SLC8A2: variants seen among roughly 807,000 people sequenced by gnomAD.
SLC8A2 encodes sodium/calcium exchanger 2.
Under a neutral mutation model 70.2 loss-of-function variants are expected in SLC8A2, and 14 were observed. The ratio of observed to expected loss-of-function variants is 0.20; its 90% CI spans 0.13 to 0.31. The LOEUF (loss-of-function observed/expected upper bound fraction) is 0.31, where lower values mean the gene tolerates loss of function less well. SLC8A2 is among the 10% of genes least tolerant of loss of function. The pLI is 1.00. For missense variants in SLC8A2, 779 were observed against 1,320.1 expected (o/e 0.59, Z 6.35); for synonymous variants, 575 against 594.3 (o/e 0.97, Z 0.47).
In SLC8A2 at chr19:47,466,582, A is replaced by G. The variant is rs1967465095; in HGVS notation, c.-16-163T>C. On this transcript the variant is annotated intron_variant, in intron 1 of 9. Transcript: ENST00000236877. This position sits in a 1 kb window ranked among gnomAD's most constrained non-coding sequence, Gnocchi z 6.9. ...GAGACACAGAGAGTGACAGACAGAG[A>G]CCCACAGAGAGAGAGAGAGACTGAA... Among the ~76,000 whole-genome samples, 1 of 79,048 alleles carries G rather than the reference A, an allele frequency of 1.3e-5. No individual in the cohort carries two copies. The highest frequency in any genetic ancestry group is 3.7e-4 in the East Asian group (1 of 2,696). The allele number at this position is 79,048 out of a possible 152,430, so 51.9% of individuals were successfully genotyped here. A position where few individuals can be genotyped will look rare whatever the true frequency, so the allele number is the denominator to read the frequency against.
chr19:47,435,693 C>T (rs191533746), intron 8 of SLC8A2, among the ~76,000 whole-genome samples: 5 of 152,056 alleles, frequency 3.3e-5, no homozygotes, highest in East Asian at 3.9e-4. Context: ...GGATTACAGG[C>T]GCAGGCCACC....
chr19:47,445,863 G>A (rs1967154877), intron 4 of SLC8A2, among the ~76,000 whole-genome samples: 1 of 152,174 alleles, frequency 6.6e-6, no homozygotes, highest in African/African-American at 2.4e-5. Flanking sequence ...AGGGGTCTGG[G>A]ATGGTGCCTC....
At chr19:47,461,995 A>G (rs1967401059) in intron 2 of SLC8A2, among the ~76,000 whole-genome samples, 1 of 152,156 alleles carries the variant, frequency 6.6e-6, no homozygotes, top group Non-Finnish European at 1.5e-5. Context: ...GGAGGGGGAC[A>G]TGGTCTTGGC....
chr19:47,459,391 A>G (rs1236748442), intron 2 of SLC8A2, among the ~76,000 whole-genome samples: 1 of 150,676 alleles, frequency 6.6e-6, no homozygotes, highest in African/African-American at 2.5e-5. Flanking sequence ...CTTCTTTTGT[A>G]TCTATTGGTA....
chr19:47,449,842 C>T (rs2122632993), intron 3 of SLC8A2, among the ~76,000 whole-genome samples: 1 of 151,918 alleles, frequency 6.6e-6, no homozygotes, highest in East Asian at 1.9e-4. Flanking sequence ...GGGTGGGCCA[C>T]GGTGAAGACT....
intron 2 of SLC8A2, among the ~76,000 whole-genome samples, chr19:47,464,476 G>C (rs1222801052): frequency 6.6e-6 from 1 of 152,124 alleles, no homozygotes; most frequent in Non-Finnish European, 1.5e-5. Flanking sequence ...TAAACTGTAC[G>C]ATATATCACT....
chr19:47,460,169 C>A (rs747493833), intron 2 of SLC8A2, among the ~76,000 whole-genome samples: 26 of 152,182 alleles, frequency 1.7e-4, no homozygotes, highest in Non-Finnish European at 1.5e-5. Context: ...GCCTGGCCCT[C>A]ATGGACAGGC....
chr19:47,438,366 AT>A (rs1967058011), intron 6 of SLC8A2, among the ~76,000 whole-genome samples: 1 of 152,136 alleles, frequency 6.6e-6, no homozygotes, highest in African/African-American at 2.4e-5. Flanking sequence ...CACACAATAA[AT>A]ATTCAATACA....
At chr19:47,454,923 TA>T (rs1216355123) in intron 3 of SLC8A2, among the ~76,000 whole-genome samples, 2 of 151,976 alleles carry the variant, frequency 1.3e-5, no homozygotes, top group Non-Finnish European at 2.9e-5. Context: ...CCATCTCTAC[TA>T]AAAATACAAA....
chr19:47,437,732 G>C, intron 7 of SLC8A2, 117 bp downstream of exon 7: 1 of 1,316,502 alleles, frequency 7.6e-7, no homozygotes, highest in Non-Finnish European at 1.1e-6. Context: ...CCGTGGTCCT[G>C]ACGTGGGACC....
intron 6 of SLC8A2, among the ~76,000 whole-genome samples, chr19:47,439,783 G>C (rs1031441651): frequency 6.6e-6 from 1 of 151,858 alleles, no homozygotes; most frequent in Non-Finnish European, 1.5e-5. Context: ...CCTGCCTTAG[G>C]CTCCTGAGTA....
In SLC8A2 at chr19:47,429,016, A is replaced by AC. The variant is rs1292479789; in HGVS notation, c.*1072dup. On this transcript the variant is annotated 3_prime_UTR_variant, in exon 10 of 10. Transcript: ENST00000236877. ...CAGTCCCATCCCCCCACCCATCCCCACCCCCCATCAGGCAGAGATGTGGCA... is the reference window on the plus strand; with the variant it reads ...CAGTCCCATCCCCCCACCCATCCCCACCCCCCCATCAGGCAGAGATGTGGCA... The AC allele has an allele frequency of 5.3e-5, 2 of 37,798 alleles. No homozygotes were observed. The highest frequency in any genetic ancestry group is 2.1e-4 in the African/African-American group (2 of 9,530). 2.3% of individuals were successfully genotyped at this position (37,798 alleles called of 1,614,324 possible). A position where few individuals can be genotyped will look rare whatever the true frequency, so the allele number is the denominator to read the frequency against.
chr19:47,452,433 AGAGAGAGAGAGAGTGTGTGTGTGT>A (rs1436323451), intron 3 of SLC8A2, among the ~76,000 whole-genome samples: 7 of 98,976 alleles, frequency 7.1e-5, no homozygotes, highest in Non-Finnish European at 1.2e-4. Context: ...AGAGAGAGAG[AGAGAGAGAGAGAGTGTGTGTGTGT>A]GTGTGTGTGT....
At position 47,428,733 on chromosome 19, in the gene SLC8A2, T is replaced by G. The variant is rs969900576; in HGVS notation, c.*1356A>C. 6.6e-6 allele frequency: 1 copy of G among 152,520 alleles called. No homozygotes were observed. The highest frequency in any genetic ancestry group is 1.5e-5 in the Non-Finnish European group (1 of 68,036). The allele number at this position is 152,520 out of a possible 1,614,324, so 9.4% of individuals were successfully genotyped here. A position where few individuals can be genotyped will look rare whatever the true frequency, so the allele number is the denominator to read the frequency against. Reference sequence around the variant, plus strand: ...ACAGAAAAGAGACAGCGACTGATGATGAGCTGGGGGAGAGAAGGGTAGTGG... The same window carrying G: ...ACAGAAAAGAGACAGCGACTGATGAGGAGCTGGGGGAGAGAAGGGTAGTGG... On this transcript the variant is annotated 3_prime_UTR_variant, in exon 10 of 10. Transcript: ENST00000236877.
intron 1 of SLC8A2, among the ~76,000 whole-genome samples, chr19:47,470,303 C>G (rs918243229): frequency 2.6e-5 from 4 of 151,792 alleles, no homozygotes; most frequent in Non-Finnish European, 4.4e-5. Context: ...TCCGTGGGCA[C>G]TGTCACACAG....
intron 1 of SLC8A2, among the ~76,000 whole-genome samples, chr19:47,471,206 G>T (rs1266804438): frequency 6.6e-6 from 1 of 151,816 alleles, no homozygotes; most frequent in South Asian, 2.1e-4. Flanking sequence ...CAGAGACAGA[G>T]AGAGACACAG....
At chr19:47,449,997 G>A (rs1967215809) in intron 3 of SLC8A2, among the ~76,000 whole-genome samples, 1 of 152,146 alleles carries the variant, frequency 6.6e-6, no homozygotes, top group South Asian at 2.1e-4. Context: ...GGGGGAGCCG[G>A]GGAGGGAACA....
intron 6 of SLC8A2, 66 bp from the exon 7 acceptor site, chr19:47,438,039 A>G: frequency 6.3e-7 from 1 of 1,593,322 alleles, no homozygotes; most frequent in Non-Finnish European, 8.6e-7. Context: ...TGACGCCTTT[A>G]CTACCTGTCC....
chr19:47,459,480 C>T (rs950452256), intron 2 of SLC8A2, among the ~76,000 whole-genome samples: 1 of 152,122 alleles, frequency 6.6e-6, no homozygotes, highest in Middle Eastern at 3.2e-3. Flanking sequence ...TTCTCTCTCT[C>T]CCTCCCTCTC....
Sources: gnomAD v4.1 joint callset for allele counts (sites outside exome capture counted in the v4.1 genomes callset) on GRCh38, gnomAD v4.1.1 for gene constraint, Gnocchi (gnomAD v3.1) non-coding constraint, MANE v1.5 for transcripts, NCBI Gene and HGNC (gene_info 2026-07-23, HGNC 2026-07-21) for gene names.